Variants in MUS81 observed in about 807,000 individuals in gnomAD.
The protein encoded by MUS81 is structure-specific endonuclease subunit MUS81.
A neutral mutation model predicts 74.2 loss-of-function variants in MUS81; 69 were observed. That is an observed-to-expected ratio of 0.93 (90% CI 0.77 to 1.14). The LOEUF is 1.14. MUS81 is among the 50% of genes most tolerant of loss of function. The pLI, the probability that MUS81 is intolerant of heterozygous loss-of-function variation, is 0.00. For synonymous variants in MUS81, 303 were observed against 300.6 expected (o/e 1.01, Z -0.08); for missense variants, 711 against 726.5 (o/e 0.98, Z 0.25).
rs1304391773 is a variant in MUS81, at chr11:65,865,889, ACAGAGG to A, written c.1585_1589+1del. 1.2e-6 allele frequency: 2 copies of A among 1,614,132 alleles called. No homozygotes were observed. Among genetic ancestry groups the A allele is most frequent in the African/African-American group, 2.7e-5 (2 of 75,038 alleles). ...TGAGCACCATTAAGTGTGGGCGTCT[ACAGAGG>A]TGAGGGCAAGAGACGGAACCTGGAG... On this transcript the variant is annotated splice_donor_variant and coding_sequence_variant, in exon 15 of 16. Coordinates refer to ENST00000308110, the MANE Select transcript of MUS81 (RefSeq NM_025128.5). LOFTEE classifies it high-confidence loss of function.
chr11:65,864,689 C>T, intron 11 of MUS81, 31 bp from the exon 12 acceptor site: 1 of 1,613,352 alleles, frequency 6.2e-7, no homozygotes, highest in Non-Finnish European at 8.5e-7. Context: ...GGCCAGGAGC[C>T]ACCTTCCCTC....
At chr11:65,861,534 G>C (rs990845530) in intron 3 of MUS81, 99 bp downstream of exon 3, 11 of 961,094 alleles carry the variant, frequency 1.1e-5, no homozygotes, top group African/African-American at 1.6e-5. Context: ...AATCTCACCA[G>C]TGATGCCTGG....
At position 65,860,973 on chromosome 11, in the gene MUS81, G is replaced by T; in HGVS notation, c.136G>T (p.Ala46Ser). The change falls in exon 2 of 16, where the codon GCG becomes TCG. Residue 46 changes from alanine (A) to serine (S), a missense_variant and splice_region_variant. Ala to Ser is a moderately conservative substitution (Grantham distance 99). Coordinates refer to ENST00000308110, the MANE Select transcript of MUS81 (RefSeq NM_025128.5). ...AGGTACCCTACCCCTGCCCGGCCAG[G>T]CGCTGCGTTCCCTCCGACGGTACCC... ...RRRTRFVFQK[A>S]LRSLRRYPLP... 1 of 1,611,754 alleles carries T rather than the reference G, an allele frequency of 6.2e-7. No homozygotes were observed. Among genetic ancestry groups the T allele is most frequent in the African/African-American group, 1.3e-5 (1 of 75,060 alleles).
In MUS81 at chr11:65,862,535, G is replaced by A. The variant is rs1859648214; in HGVS notation, c.605+6G>A. The A allele has an allele frequency of 1.9e-6, 3 of 1,612,956 alleles. No homozygotes were observed. The highest frequency in any genetic ancestry group is 2.7e-5 in the African/African-American group (2 of 74,924). On this transcript the variant is annotated splice_donor_region_variant and intron_variant, in intron 6 of 15. Transcript: ENST00000308110. ...AGGACACACCAGCCAGCCAGGTGGG[G>A]CCAACTGCAGGAGATACAGGAGAGC... is the stretch of plus-strand genomic sequence containing the variant.
Position 65,865,798 on chromosome 11 carries a change from C to G in MUS81, c.1506-13C>G. On this transcript the variant is annotated splice_polypyrimidine_tract_variant and intron_variant, in intron 14 of 15. Coordinates refer to ENST00000308110, the MANE Select transcript of MUS81 (RefSeq NM_025128.5). ...CACTGTCAGCCTCAGAAACTCAAAC[C>G]CCTGCCCCCCAGCCTCCTGGCCGCC... is the stretch of plus-strand genomic sequence containing the variant. The G allele has an allele frequency of 6.2e-7, 1 of 1,613,202 alleles. No homozygotes were observed. The highest frequency in any genetic ancestry group is 8.5e-7 in the Non-Finnish European group (1 of 1,179,692).
chr11:65,860,831 C>G lies in MUS81; in HGVS notation c.78C>G (p.Thr26=), dbSNP rs762139797. Residue 26 remains threonine (T), a synonymous_variant, in exon 1 of 16, where the codon ACC becomes ACG. Transcript: ENST00000308110. The part of the protein sequence containing the change: ...CPNPLFVRWL[T]EWRDEATRSR... ...ACCCGCTCTTCGTTCGCTGGCTGAC[C>G]GAGTGGCGGGACGAGGCGACCCGCA... 1 of 1,550,160 alleles carries G rather than the reference C, an allele frequency of 6.5e-7. No individual in the cohort carries two copies. The highest frequency in any genetic ancestry group is 1.4e-5 in the African/African-American group (1 of 73,544).
chr11:65,867,222 C>T (rs1591064935), downstream of MUS81: 1 of 903,686 alleles, frequency 1.1e-6, no homozygotes, highest in Non-Finnish European at 1.7e-6. Context: ...TCATGCAGCT[C>T]TTTGACACCC....
rs1356735389 is a variant in MUS81 at position 65,865,205 on chromosome 11, CT to C, written c.1402-12del. ...GGCCCAGACCCCCACTGATCCAGCC[CT>C]TTCCCGAACCCAGGCCCAGTCGGTG... On this transcript the variant is annotated splice_polypyrimidine_tract_variant and intron_variant, in intron 13 of 15. Coordinates refer to ENST00000308110, the MANE Select transcript of MUS81 (RefSeq NM_025128.5). The C allele has an allele frequency of 6.2e-7, 1 of 1,614,160 alleles. No individual in the cohort carries two copies. The highest frequency in any genetic ancestry group is 8.5e-7 in the Non-Finnish European group (1 of 1,180,010).
At chr11:65,866,812 C>T (rs1055767498), downstream of MUS81, 14 of 1,446,866 alleles carry the variant, frequency 9.7e-6, no homozygotes, top group Non-Finnish European at 1.3e-5. Context: ...CCGCCCACCT[C>T]AGCCACCAGG....
At chr11:65,863,015 C>A (rs1859670810) in intron 6 of MUS81, 50 bp from the exon 7 acceptor site, 1 of 1,611,984 alleles carries the variant, frequency 6.2e-7, no homozygotes, top group Non-Finnish European at 8.5e-7. Flanking sequence ...GGAAAGCCTG[C>A]CAGGAATGAG....
At chr11:65,862,119 G>A in intron 4 of MUS81, 74 bp downstream of exon 4, 1 of 1,581,018 alleles carries the variant, frequency 6.3e-7, no homozygotes, top group African/African-American at 1.3e-5. Context: ...CCTGGCCCAG[G>A]CAGGGCAGGC....
Position 65,863,354 on chromosome 11 carries a change from G to A in MUS81, c.747-56G>A, listed in dbSNP as rs1032697685. The A allele has an allele frequency of 8.1e-6, 13 of 1,606,498 alleles. No individual in the cohort carries two copies. The East Asian group carries it at 2.5e-4, about 30-fold the overall frequency. ...TGGGTGTCGGGTGGCATGGGTGTGG[G>A]GCAACTGCCCTGGCACAAGGGGTTC... On this transcript the variant is annotated intron_variant, in intron 7 of 15. Coordinates refer to ENST00000308110, the MANE Select transcript of MUS81 (RefSeq NM_025128.5).
chr11:65,867,073 T>G, downstream of MUS81: 1 of 1,614,060 alleles, frequency 6.2e-7, no homozygotes, highest in Non-Finnish European at 8.5e-7. Flanking sequence ...CTGACGTTGT[T>G]GATTTGCTGC....
At position 65,860,536 on chromosome 11, in the gene MUS81, G is replaced by A. The variant is rs61893865; in HGVS notation, c.-218G>A. 13,136 of 625,586 alleles carry A rather than the reference G, an allele frequency of 0.021. 187 individuals are homozygous for A. The highest frequency in any genetic ancestry group is 0.03 in the Non-Finnish European group (10,744 of 357,836). 38.8% of individuals were successfully genotyped at this position (625,586 alleles called of 1,614,324 possible). ...AAAGATCGTTAGAGACAGCGCCCCT[G>A]ACCAACCACTTAGAGCAGCGCAGGG... On this transcript the variant is annotated 5_prime_UTR_variant, in exon 1 of 16. Coordinates refer to ENST00000308110, the MANE Select transcript of MUS81 (RefSeq NM_025128.5).
In MUS81 at chr11:65,861,951, C is replaced by T. The variant is rs772360926; in HGVS notation, c.356C>T (p.Pro119Leu). The part of the protein sequence containing the change: ...AEVQDSSMPV[P>L]AQPKAGGSGS... ...GAACTCCTCTGTACCTTTCAGGTTC[C>T]TGCCCAGCCCAAAGCGGGAGGCTCT... The change falls in exon 4 of 16, where the codon CCT (proline) becomes CTT (leucine). Residue 119 changes from proline to leucine, a missense_variant. Pro to Leu is a moderately conservative substitution (Grantham distance 98). Transcript: ENST00000308110. 1.4e-5 allele frequency: 22 copies of T among 1,608,204 alleles called. No homozygotes were observed. The highest frequency in any genetic ancestry group is 1.6e-4 in the Middle Eastern group (1 of 6,070).
At position 65,862,534 on chromosome 11, in the gene MUS81, G is replaced by C; in HGVS notation, c.605+5G>C. On this transcript the variant is annotated splice_donor_5th_base_variant and intron_variant, in intron 6 of 15. Transcript: ENST00000308110. ...CAGGACACACCAGCCAGCCAGGTGG[G>C]GCCAACTGCAGGAGATACAGGAGAG... The C allele has an allele frequency of 6.2e-7, 1 of 1,613,310 alleles. No homozygotes were observed. Among genetic ancestry groups the C allele is most frequent in the South Asian group, 1.1e-5 (1 of 91,084 alleles).
At position 65,862,490 on chromosome 11, in the gene MUS81, T is replaced by C. The variant is rs748379441; in HGVS notation, c.566T>C (p.Leu189Pro). 1.2e-6 allele frequency: 2 copies of C among 1,613,792 alleles called. No individual in the cohort carries two copies. The highest frequency in any genetic ancestry group is 2.2e-5 in the South Asian group (2 of 91,088). The change falls in exon 6 of 16, where the codon CTT (leucine) becomes CCT (proline). Residue 189 changes from leucine to proline, a missense_variant. Physicochemically the swap from Leu to Pro is moderately conservative, Grantham distance 98. Coordinates refer to ENST00000308110, the MANE Select transcript of MUS81 (RefSeq NM_025128.5). ...CCCTGGCCAGCCCTCCGCTCCCTCC[T>C]TCACAGGAACCTGGTCCTCAGGACA... ...ARPWPALRSL[L>P]HRNLVLRTHQ...
chr11:65,860,860 G>A lies in MUS81; in HGVS notation c.107G>A (p.Arg36Lys). The change falls in exon 1 of 16, where the codon AGG (arginine) becomes AAG (lysine). Residue 36 changes from arginine (R) to lysine (K), a missense_variant. Arg to Lys is a conservative substitution (Grantham distance 26, BLOSUM62 2). Transcript: ENST00000308110. ...TEWRDEATRS[R>K]RRTRFVFQKA... ...TGGCGGGACGAGGCGACCCGCAGCA[G>A]GCGCCGCACGCGCTTCGTATTTCAG... 1 of 1,549,640 alleles carries A rather than the reference G, an allele frequency of 6.5e-7. No individual in the cohort carries two copies. The highest frequency in any genetic ancestry group is 1.4e-5 in the African/African-American group (1 of 73,522).
chr11:65,860,991 C>G lies in MUS81; in HGVS notation c.154C>G (p.Arg52Gly). The G allele has an allele frequency of 6.2e-7, 1 of 1,612,170 alleles. No homozygotes were observed. The highest frequency in any genetic ancestry group is 1.1e-5 in the South Asian group (1 of 91,080). ...CGGCCAGGCGCTGCGTTCCCTCCGA[C>G]GGTACCCACTGCCGCTGCGCAGCGG... ...VFQKALRSLR[R>G]YPLPLRSGKE... is the part of the protein sequence containing the mutation. Residue 52 changes from arginine (R) to glycine (G), a missense_variant, in exon 2 of 16, where the codon CGG becomes GGG. Transcript: ENST00000308110.
Sources: gnomAD v4.1 joint callset for allele counts on GRCh38, gnomAD v4.1.1 for gene constraint, MANE v1.5 for transcripts, NCBI Gene and HGNC (gene_info 2026-07-23, HGNC 2026-07-21) for gene names.